Variants in TOMM20 observed in about 807,000 individuals in gnomAD.
TOMM20 encodes mitochondrial import receptor subunit TOM20 homolog.
In TOMM20, 10 loss-of-function variants were observed where a neutral mutation model predicts 22.1. The ratio of observed to expected loss-of-function variants is 0.45; its 90% CI spans 0.28 to 0.77. TOMM20 has a LOEUF of 0.77. Ranked by LOEUF, TOMM20 falls within the 30% of genes least tolerant of loss-of-function variation. The pLI, the probability that TOMM20 is intolerant of heterozygous loss-of-function variation, is 0.13. For synonymous variants in TOMM20, 55 were observed against 61.4 expected (o/e 0.90, Z 0.49); for missense variants, 121 against 172.2 (o/e 0.70, Z 1.66).
chr1:235,113,317 ATGAGC>A (rs1351771311), intron 4 of TOMM20, among the ~76,000 whole-genome samples: 2 of 152,236 alleles, frequency 1.3e-5, no homozygotes, highest in Non-Finnish European at 2.9e-5. Context: ...CAGCAGAGGC[ATGAGC>A]CTTTACACAA....
chr1:235,112,650 T>C (rs1660757320), intron 4 of TOMM20, among the ~76,000 whole-genome samples: 1 of 152,170 alleles, frequency 6.6e-6, no homozygotes, highest in Non-Finnish European at 1.5e-5. Context: ...CATCAGTCAA[T>C]TATGTAACTA....
chr1:235,117,743 G>A (rs3924038), intron 3 of TOMM20, among the ~76,000 whole-genome samples: 38,951 of 152,092 alleles, frequency 0.26, 6,150 homozygotes, highest in South Asian at 0.52. Flanking sequence ...CTACTGCGGG[G>A]TATCTGATGG....
At chr1:235,113,937 T>G (rs376512756) in intron 3 of TOMM20, 27 bp from the exon 4 acceptor site, 9 of 1,545,464 alleles carry the variant, frequency 5.8e-6, no homozygotes, top group Non-Finnish European at 6.1e-6. Flanking sequence ...AAATTACATG[T>G]AACCTGAAAA....
chr1:235,125,113 C>A (rs1387734133), intron 1 of TOMM20, among the ~76,000 whole-genome samples: 1 of 152,234 alleles, frequency 6.6e-6, no homozygotes, highest in Non-Finnish European at 1.5e-5. Context: ...GATCCTGATA[C>A]TCTGCTTTTG....
At chr1:235,119,744 A>C in intron 3 of TOMM20, 74 bp downstream of exon 3, 2 of 986,856 alleles carry the variant, frequency 2.0e-6, no homozygotes, top group East Asian at 2.5e-5. Flanking sequence ...ACACAAACAA[A>C]GCCCCTTATC....
At chr1:235,118,017 C>T (rs1660863440) in intron 3 of TOMM20, among the ~76,000 whole-genome samples, 2 of 152,232 alleles carry the variant, frequency 1.3e-5, no homozygotes, top group South Asian at 4.1e-4. Context: ...CACTGATGGT[C>T]ACTTTAGAAT....
intron 3 of TOMM20, among the ~76,000 whole-genome samples, chr1:235,117,134 C>CAAAAAAA (rs869235889): frequency 9.9e-5 from 3 of 30,386 alleles, no homozygotes; most frequent in East Asian, 1.5e-3. Flanking sequence ...GACTCCATCT[C>CAAAAAAA]AAAAAAAAAA....
chr1:235,116,255 T>G (rs1660825093), intron 3 of TOMM20, among the ~76,000 whole-genome samples: 1 of 151,290 alleles, frequency 6.6e-6, no homozygotes, highest in Non-Finnish European at 1.5e-5. Flanking sequence ...AATACAAAAA[T>G]TAGGCCGGGG....
Position 235,113,894 on chromosome 1 carries a change from G to A in TOMM20, c.267C>T (p.Gly89=), listed in dbSNP as rs776328893. 20 of 1,592,902 alleles carry A rather than the reference G, an allele frequency of 1.3e-5. No homozygotes were observed. In the East Asian group the frequency reaches 2.3e-4, roughly 18 times the overall value. ...CAATTGCATTTGTCAGATGGTCTACGCCCTTCTCATATTCACCTGTAAGAT... is the reference window on the plus strand; with the variant it reads ...CAATTGCATTTGTCAGATGGTCTACACCCTTCTCATATTCACCTGTAAGAT... ...ELLAQGEYEK[G]VDHLTNAIAV... The change falls in exon 4 of 5, where the codon GGC becomes GGT. Residue 89 remains glycine, a synonymous_variant. Transcript: ENST00000366607.
Position 235,110,709 on chromosome 1 carries a change from G to A in TOMM20, c.*1355C>T, listed in dbSNP as rs755117791. On this transcript the variant is annotated 3_prime_UTR_variant, in exon 5 of 5. Coordinates refer to ENST00000366607, the MANE Select transcript of TOMM20 (RefSeq NM_014765.3). The stretch of plus-strand genomic sequence containing the variant: ...AAAAACCGAGATTGATAATGATTAA[G>A]AAGAGTTTGTAAGTCAATCAAAATA... 2.6e-5 allele frequency: 4 copies of A among 152,166 alleles called. No individual in the cohort carries two copies. The highest frequency in any genetic ancestry group is 5.9e-5 in the Non-Finnish European group (4 of 68,028). 9.4% of individuals were successfully genotyped at this position (152,166 alleles called of 1,614,324 possible). A position where few individuals can be genotyped will look rare whatever the true frequency, so the allele number is the denominator to read the frequency against.
chr1:235,116,598 C>T (rs1312794130), intron 3 of TOMM20, among the ~76,000 whole-genome samples: 1 of 151,580 alleles, frequency 6.6e-6, no homozygotes, highest in South Asian at 2.1e-4. Context: ...ACTTGGGAGG[C>T]TGAGGCACAA....
intron 3 of TOMM20, among the ~76,000 whole-genome samples, chr1:235,115,810 G>C (rs1660818583): frequency 6.6e-6 from 1 of 152,102 alleles, no homozygotes; most frequent in South Asian, 2.1e-4. Flanking sequence ...AGCAAAGGCA[G>C]GTTTGCAACA....
intron 3 of TOMM20, among the ~76,000 whole-genome samples, chr1:235,116,233 A>G (rs4309046): frequency 0.71 from 108,290 of 151,896 alleles, 39,351 homozygotes; most frequent in African/African-American, 0.84. Context: ...GTGAAACTCC[A>G]TCTCTACTAA....
intron 1 of TOMM20, among the ~76,000 whole-genome samples, chr1:235,123,294 G>A (rs1165735136): frequency 6.6e-6 from 1 of 152,136 alleles, no homozygotes; most frequent in Non-Finnish European, 1.5e-5. Context: ...AGACCAGCCT[G>A]GCCAACATAG....
At chr1:235,116,507 C>CAG (rs997015972) in intron 3 of TOMM20, among the ~76,000 whole-genome samples, 1 of 151,136 alleles carries the variant, frequency 6.6e-6, no homozygotes, top group Admixed American at 6.6e-5. Flanking sequence ...CACTGCACTC[C>CAG]AGCCTGGCGA....
chr1:235,112,503 G>A (rs1050548645), intron 4 of TOMM20, among the ~76,000 whole-genome samples: 2 of 151,914 alleles, frequency 1.3e-5, no homozygotes, highest in Non-Finnish European at 2.9e-5. Flanking sequence ...CACCATGCCC[G>A]GCTAATTTTT....
chr1:235,119,046 G>C (rs1305379437), intron 3 of TOMM20, among the ~76,000 whole-genome samples: 1 of 152,178 alleles, frequency 6.6e-6, no homozygotes, highest in Non-Finnish European at 1.5e-5. Flanking sequence ...ACATCATGTA[G>C]TTCAATTCTA....
At chr1:235,125,012 A>G (rs1032029832) in intron 1 of TOMM20, among the ~76,000 whole-genome samples, 5 of 152,246 alleles carry the variant, frequency 3.3e-5, no homozygotes, top group Non-Finnish European at 7.3e-5. Flanking sequence ...TCCGTCCCAT[A>G]TAAGTGAAAT....
At chr1:235,124,606 A>T (rs2102812975) in intron 1 of TOMM20, among the ~76,000 whole-genome samples, 1 of 152,354 alleles carries the variant, frequency 6.6e-6, no homozygotes, top group South Asian at 2.1e-4. Context: ...ACAATTTGCT[A>T]AACCAGAATT....
Sources: allele counts gnomAD v4.1 joint callset (sites outside exome capture counted in the v4.1 genomes callset), GRCh38; gene constraint gnomAD v4.1.1; transcripts MANE v1.5; gene names NCBI Gene and HGNC (gene_info 2026-07-23, HGNC 2026-07-21).